The following KCNJ15 variants were observed in gnomAD, a reference collection of about 807,000 sequenced individuals.
KCNJ15 encodes ATP-sensitive inward rectifier potassium channel 15.
A neutral mutation model predicts 23.0 loss-of-function variants in KCNJ15; 14 were observed. The observed-to-expected ratio is 0.61, with a 90% CI of 0.40 to 0.95. The LOEUF (loss-of-function observed/expected upper bound fraction) is 0.95. KCNJ15 is among the 40% of genes least tolerant of loss of function. The pLI, the probability that KCNJ15 is intolerant of heterozygous loss-of-function variation, is 0.00. For synonymous variants in KCNJ15, 185 were observed against 183.2 expected, an observed-to-expected ratio of 1.01 and a Z score of -0.08; for missense variants, 388 against 461.8, an observed-to-expected ratio of 0.84 and a Z score of 1.46.
intron 1 of KCNJ15, among the ~76,000 whole-genome samples, chr21:38,235,414 C>T (rs558750805): frequency 1.7e-3 from 252 of 152,096 alleles, no homozygotes; most frequent in Non-Finnish European, 2.7e-3. Context: ...ATTAGCTGGG[C>T]GTCGTGGCAC....
intron 1 of KCNJ15, among the ~76,000 whole-genome samples, chr21:38,279,150 T>TGG (rs1983057649): frequency 6.6e-6 from 1 of 151,918 alleles, no homozygotes; most frequent in African/African-American, 2.4e-5. Context: ...GGGTGCTGAG[T>TGG]ATTTTTCAGT....
intron 1 of KCNJ15, among the ~76,000 whole-genome samples, chr21:38,260,541 G>A (rs550364834): frequency 1.3e-5 from 2 of 152,296 alleles, no homozygotes; most frequent in South Asian, 2.1e-4. Context: ...CCAGAATACA[G>A]TTTGTGCTTC....
chr21:38,306,241 T>C lies in KCNJ15; in HGVS notation c.*5852T>C, dbSNP rs1986050490. On this transcript the variant is annotated 3_prime_UTR_variant, in exon 3 of 3. Transcript: ENST00000398938. ...ATTCAAGGCCAAATCTTATCTGGTG[T>C]CCATGCCTTCCCACCTACTTAAAAT... The C allele has an allele frequency of 6.6e-6, 1 of 152,218 alleles. No individual in the cohort carries two copies. Among genetic ancestry groups the C allele is most frequent in the Non-Finnish European group, 1.5e-5 (1 of 68,034 alleles). The allele number at this position is 152,218 out of a possible 1,614,324, so 9.4% of individuals were successfully genotyped here.
intron 1 of KCNJ15, among the ~76,000 whole-genome samples, chr21:38,280,165 A>G (rs768391405): frequency 6.6e-6 from 1 of 152,200 alleles, no homozygotes; most frequent in Non-Finnish European, 1.5e-5. Flanking sequence ...CAGAGGAAGC[A>G]CCTGTCTAAC....
Position 38,303,802 on chromosome 21 carries a change from T to C in KCNJ15, c.*3413T>C, listed in dbSNP as rs1985942171. On this transcript the variant is annotated 3_prime_UTR_variant, in exon 3 of 3. Transcript: ENST00000398938. ...TTAAGGTGGCATTTCTACTCCAGCA[T>C]GAAAAAAATAGTGGCATTTGCACTC... 1 of 152,196 alleles carries C rather than the reference T, an allele frequency of 6.6e-6. No homozygotes were observed. The highest frequency in any genetic ancestry group is 6.5e-5 in the Admixed American group (1 of 15,282). 9.4% of individuals were successfully genotyped at this position (152,196 alleles called of 1,614,324 possible).
intron 1 of KCNJ15, among the ~76,000 whole-genome samples, chr21:38,287,423 CCAGATTTAG>C (rs1481672139): frequency 2.0e-5 from 3 of 152,128 alleles, no homozygotes; most frequent in Non-Finnish European, 2.9e-5. Context: ...CCTAGGGATG[CCAGATTTAG>C]CAGATTTAGC....
intron 1 of KCNJ15, among the ~76,000 whole-genome samples, chr21:38,267,036 G>T (rs1431540929): frequency 6.6e-6 from 1 of 152,192 alleles, no homozygotes; most frequent in Non-Finnish European, 1.5e-5. Context: ...TATTTTGAGA[G>T]ACTGAGTGAA....
intron 1 of KCNJ15, among the ~76,000 whole-genome samples, chr21:38,294,513 CTTTG>C (rs1374025546): frequency 6.6e-6 from 1 of 152,100 alleles, no homozygotes; most frequent in East Asian, 1.9e-4. Context: ...GGGGCCTTTG[CTTTG>C]TTAGTTCACT....
chr21:38,268,355 G>A (rs915624714), intron 1 of KCNJ15, among the ~76,000 whole-genome samples: 1 of 151,980 alleles, frequency 6.6e-6, no homozygotes, highest in Non-Finnish European at 1.5e-5. Context: ...TTTCAGTGCT[G>A]TACTGTGATT....
In KCNJ15 at chr21:38,299,346, G is replaced by A. The variant is rs146159896; in HGVS notation, c.85G>A (p.Val29Ile). ...TGGGCTCAAGGCCAACAGACCCCGC[G>A]TCATGTCCAAGAGTGGGCACAGCAA... Reference protein sequence around the residue: ...GAGLKANRPRVMSKSGHSNVR... With the variant: ...GAGLKANRPRIMSKSGHSNVR... The change falls in exon 3 of 3, where the codon GTC becomes ATC. Residue 29 changes from valine (V) to isoleucine (I), a missense_variant. Transcript: ENST00000398938. The surrounding 1 kb of genome is among the most constrained non-coding windows in gnomAD (Gnocchi z 4.5). 135 of 1,614,172 alleles carry A rather than the reference G, an allele frequency of 8.4e-5. No homozygotes were observed. The highest frequency in any genetic ancestry group is 2.0e-4 in the Admixed American group (12 of 60,024).
Position 38,304,691 on chromosome 21 carries a change from T to C in KCNJ15, c.*4302T>C, listed in dbSNP as rs1456508750. 9.6e-6 allele frequency: 1 copy of C among 104,358 alleles called. No individual in the cohort carries two copies. The highest frequency in any genetic ancestry group is 1.8e-5 in the Non-Finnish European group (1 of 55,022). 6.5% of individuals were successfully genotyped at this position (104,358 alleles called of 1,614,324 possible). On this transcript the variant is annotated 3_prime_UTR_variant, in exon 3 of 3. Transcript: ENST00000398938. ...TTTTTTTTTTTTTTTTTTTTTTTTT[T>C]TTGATACTGGGTCTCGCTCTGTCGC...
rs762546756 is a variant in KCNJ15, at chr21:38,299,545, T to C, written c.284T>C (p.Leu95Ser). Reference sequence around the variant, plus strand: ...GCCATCGCGTTTATTCATGGGGACTTAGAACCCGGTGAGCCCATTTCAAAT... The same window carrying C: ...GCCATCGCGTTTATTCATGGGGACTCAGAACCCGGTGAGCCCATTTCAAAT... The part of the protein sequence containing the change: ...YYAIAFIHGD[L>S]EPGEPISNHT... The change falls in exon 3 of 3, where the codon TTA becomes TCA. Residue 95 changes from leucine to serine, a missense_variant. Physicochemically the swap from Leu to Ser is moderately radical, Grantham distance 145. Coordinates refer to ENST00000398938, the MANE Select transcript of KCNJ15 (RefSeq NM_170736.3). The surrounding 1 kb of genome is among the most constrained non-coding windows in gnomAD (Gnocchi z 4.5). The C allele has an allele frequency of 1.2e-6, 2 of 1,614,040 alleles. No homozygotes were observed. The highest frequency in any genetic ancestry group is 2.7e-5 in the African/African-American group (2 of 74,916).
At chr21:38,240,358 T>A (rs1978910075) in intron 1 of KCNJ15, among the ~76,000 whole-genome samples, 1 of 152,202 alleles carries the variant, frequency 6.6e-6, no homozygotes, top group South Asian at 2.1e-4. Context: ...GTTTTCCTGA[T>A]TGGAAATGGT....
At chr21:38,241,021 C>G (rs1038819039) in intron 1 of KCNJ15, among the ~76,000 whole-genome samples, 1 of 152,206 alleles carries the variant, frequency 6.6e-6, no homozygotes, top group Non-Finnish European at 1.5e-5. Context: ...TTGACAGATT[C>G]TCTGTGATTT....
chr21:38,284,177 T>G (rs1983648345), intron 1 of KCNJ15, among the ~76,000 whole-genome samples: 1 of 152,214 alleles, frequency 6.6e-6, no homozygotes, highest in Non-Finnish European at 1.5e-5. Flanking sequence ...GAGATCCTCC[T>G]TCTGCATCGG....
chr21:38,286,538 ATTTTG>A (rs1983934489), intron 1 of KCNJ15, among the ~76,000 whole-genome samples: 1 of 152,192 alleles, frequency 6.6e-6, no homozygotes. Context: ...ATTAGCTGTG[ATTTTG>A]TTAAGTGTCC....
chr21:38,300,277 G>T lies in KCNJ15; in HGVS notation c.1016G>T (p.Cys339Phe), dbSNP rs199997423. The T allele has an allele frequency of 3.7e-6, 6 of 1,614,150 alleles. No homozygotes were observed. The highest frequency in any genetic ancestry group is 3.3e-4 in the Middle Eastern group (2 of 6,062). ...GAACAGATTCGGAAAAGCCCAGATT[G>T]CACATTTTACTGTGCAGATTCTGAG... ...QFEQIRKSPD[C>F]TFYCADSEKQ... Residue 339 changes from cysteine to phenylalanine, a missense_variant, in exon 3 of 3, where the codon TGC (cysteine) becomes TTC (phenylalanine). By Grantham distance (205) the Cys-to-Phe change is radical. Transcript: ENST00000398938.
At chr21:38,234,384 A>T (rs1233565693) in intron 1 of KCNJ15, among the ~76,000 whole-genome samples, 3 of 152,232 alleles carry the variant, frequency 2.0e-5, no homozygotes, top group Non-Finnish European at 4.4e-5. Flanking sequence ...CCTTGTGTCC[A>T]ATTATTCTAC....
Position 38,299,578 on chromosome 21 carries a change from C to T in KCNJ15, c.317C>T (p.Pro106Leu), listed in dbSNP as rs1256338037. Residue 106 changes from proline to leucine, a missense_variant, in exon 3 of 3, where the codon CCC (proline) becomes CTC (leucine). By Grantham distance (98) the Pro-to-Leu change is moderately conservative. Transcript: ENST00000398938. This position sits in a 1 kb window ranked among gnomAD's most constrained non-coding sequence, Gnocchi z 4.5. Reference protein sequence around the residue: ...EPGEPISNHTPCIMKVDSLTG... With the variant: ...EPGEPISNHTLCIMKVDSLTG... ...GGTGAGCCCATTTCAAATCATACCC[C>T]CTGCATCATGAAAGTGGACTCTCTC... 1.2e-6 allele frequency: 2 copies of T among 1,613,984 alleles called. No homozygotes were observed. Among genetic ancestry groups the T allele is most frequent in the Non-Finnish European group, 1.7e-6 (2 of 1,180,028 alleles).
Sources: allele counts gnomAD v4.1 joint callset (sites outside exome capture counted in the v4.1 genomes callset), GRCh38; gene constraint gnomAD v4.1.1; non-coding constraint Gnocchi (gnomAD v3.1); transcripts MANE v1.5; gene names NCBI Gene and HGNC (gene_info 2026-07-23, HGNC 2026-07-21).